Variants in RSRC1 observed in about 807,000 individuals in gnomAD.
RSRC1 encodes the protein arginine and serine rich coiled-coil 1, also known as serine/Arginine-related protein 53.
A neutral mutation model predicts 49.1 loss-of-function variants in RSRC1; 39 were observed. That is an observed-to-expected ratio of 0.79 (90% CI 0.61 to 1.04). The LOEUF is 1.04. Ranked by LOEUF, RSRC1 falls within the 50% of genes least tolerant of loss-of-function variation. The pLI, the probability that RSRC1 is intolerant of heterozygous loss-of-function variation, is 0.00. For synonymous variants in RSRC1, 143 were observed against 130.8 expected, an observed-to-expected ratio of 1.09 and a Z score of -0.63; for missense variants, 388 against 402.4, an observed-to-expected ratio of 0.96 and a Z score of 0.31.
At chr3:158,480,736 C>T (rs1011440619) in intron 7 of RSRC1, among the ~76,000 whole-genome samples, 5 of 151,956 alleles carry the variant, frequency 3.3e-5, no homozygotes, top group Non-Finnish European at 7.4e-5. Flanking sequence ...TAAACAAAAA[C>T]TTTGTGCATT....
At chr3:158,433,551 C>A (rs1194047762) in intron 6 of RSRC1, among the ~76,000 whole-genome samples, 2 of 151,956 alleles carry the variant, frequency 1.3e-5, no homozygotes, top group African/African-American at 4.8e-5. Flanking sequence ...CCACCTCAGA[C>A]CCTGCCTGGT....
In RSRC1 at chr3:158,301,546, A is replaced by G. The variant is rs192886245; in HGVS notation, c.531+3471A>G. ...TCAAGATGGCTTCTGGGTTCTTATA[A>G]CAAGTGAGAACTCTGACTCCTAATA... On this transcript the variant is annotated intron_variant, in intron 5 of 9. Transcript: ENST00000611884. Among the ~76,000 whole-genome samples, 406 of 152,136 alleles carry G rather than the reference A, an allele frequency of 2.7e-3. 2 individuals carry two copies. Among genetic ancestry groups the G allele is most frequent in the Non-Finnish European group, 4.5e-3 (307 of 67,996 alleles).
At chr3:158,524,224 A>C (rs992342981) in intron 7 of RSRC1, among the ~76,000 whole-genome samples, 29 of 152,222 alleles carry the variant, frequency 1.9e-4, no homozygotes, top group Non-Finnish European at 1.5e-4. Context: ...AAGCTAAACC[A>C]ATTGAATTGT....
chr3:158,263,908 T>C (rs1341032996), intron 4 of RSRC1, among the ~76,000 whole-genome samples: 6 of 152,186 alleles, frequency 3.9e-5, no homozygotes, highest in South Asian at 2.1e-4. Flanking sequence ...CTTATATTAG[T>C]AATTTGTTGT....
chr3:158,423,941 G>T (rs1235751979), intron 6 of RSRC1, among the ~76,000 whole-genome samples: 2 of 150,968 alleles, frequency 1.3e-5, no homozygotes, highest in East Asian at 1.9e-4. Flanking sequence ...AGACTTTGCT[G>T]AAGTTGCTTA....
intron 3 of RSRC1, among the ~76,000 whole-genome samples, chr3:158,145,822 T>C (rs1006731240): frequency 2.0e-5 from 3 of 152,228 alleles, no homozygotes; most frequent in Non-Finnish European, 4.4e-5. Context: ...CAGTGATTTG[T>C]AGCTCTCCTT....
chr3:158,201,352 TCTTA>T (rs1308732559), intron 3 of RSRC1, among the ~76,000 whole-genome samples: 2 of 152,166 alleles, frequency 1.3e-5, no homozygotes, highest in African/African-American at 4.8e-5. Flanking sequence ...TTAATATTTA[TCTTA>T]CTTGGTTTGT....
intron 4 of RSRC1, among the ~76,000 whole-genome samples, chr3:158,279,204 T>G (rs1725992279): frequency 6.6e-6 from 1 of 152,230 alleles, no homozygotes; most frequent in Non-Finnish European, 1.5e-5. Context: ...TTTGTGTGCC[T>G]TGAGCAGCAA....
At chr3:158,478,688 T>G (rs540277518) in intron 7 of RSRC1, among the ~76,000 whole-genome samples, 72 of 152,088 alleles carry the variant, frequency 4.7e-4, no homozygotes, top group African/African-American at 1.6e-3. Context: ...CAGCAGTAAC[T>G]TAAACTAATA....
intron 6 of RSRC1, 171 bp downstream of exon 6, chr3:158,355,079 G>A (rs944154578): frequency 4.3e-5 from 19 of 443,822 alleles, no homozygotes; most frequent in African/African-American, 1.7e-4. Context: ...ATTTATTGCC[G>A]CAGTATAATG....
chr3:158,498,965 G>A (rs565323849), intron 7 of RSRC1, among the ~76,000 whole-genome samples: 29 of 152,280 alleles, frequency 1.9e-4, no homozygotes, highest in African/African-American at 6.7e-4. Context: ...CTGTTTTGGT[G>A]ACTATGGCCT....
chr3:158,488,810 T>C (rs891118515), intron 7 of RSRC1, among the ~76,000 whole-genome samples: 1 of 152,206 alleles, frequency 6.6e-6, no homozygotes, highest in African/African-American at 2.4e-5. Flanking sequence ...CATCCTGCCT[T>C]TATCTAATTG....
chr3:158,247,159 T>G (rs1281654715), intron 4 of RSRC1, among the ~76,000 whole-genome samples: 1 of 152,222 alleles, frequency 6.6e-6, no homozygotes, highest in Non-Finnish European at 1.5e-5. Context: ...TTTCCTCCAC[T>G]TGGTCCATTC....
At chr3:158,225,873 C>G (rs927928900) in intron 4 of RSRC1, 1 of 269,418 alleles carries the variant, frequency 3.7e-6, no homozygotes, top group African/African-American at 2.3e-5. Flanking sequence ...GAGAATGGTA[C>G]AAAAGAAAAC....
At chr3:158,236,191 A>G (rs192241251) in intron 4 of RSRC1, among the ~76,000 whole-genome samples, 2 of 152,234 alleles carry the variant, frequency 1.3e-5, no homozygotes, top group African/African-American at 2.4e-5. Context: ...AGGTAATTCA[A>G]TATTGTGAAA....
intron 7 of RSRC1, among the ~76,000 whole-genome samples, chr3:158,519,800 G>A (rs1338858243): frequency 1.3e-5 from 2 of 152,088 alleles, no homozygotes; most frequent in East Asian, 3.9e-4. Flanking sequence ...AAGATTTGAG[G>A]GTCACCAGCC....
At chr3:158,513,833 T>C (rs948829219) in intron 7 of RSRC1, among the ~76,000 whole-genome samples, 2 of 152,244 alleles carry the variant, frequency 1.3e-5, no homozygotes, top group African/African-American at 2.4e-5. Flanking sequence ...AACTTCTTCC[T>C]GGTTTACTCT....
chr3:158,533,472 A>G (rs1712529023), intron 7 of RSRC1, among the ~76,000 whole-genome samples: 1 of 151,664 alleles, frequency 6.6e-6, no homozygotes, highest in Non-Finnish European at 1.5e-5. Context: ...GCAAGCCTCT[A>G]TGATAACACT....
At chr3:158,477,751 C>G (rs946505280) in intron 7 of RSRC1, among the ~76,000 whole-genome samples, 2 of 142,880 alleles carry the variant, frequency 1.4e-5, no homozygotes, top group African/African-American at 5.4e-5. Context: ...TGACAGGTCA[C>G]AAGGAGAACC....
Sources: gnomAD v4.1 joint callset for allele counts (sites outside exome capture counted in the v4.1 genomes callset) on GRCh38, gnomAD v4.1.1 for gene constraint, MANE v1.5 for transcripts, NCBI Gene and HGNC (gene_info 2026-07-23, HGNC 2026-07-21) for gene names.